Variants in GALNT10 observed in about 807,000 individuals in gnomAD.
GALNT10 encodes polypeptide N-acetylgalactosaminyltransferase 10, also known as GalNAc transferase 10.
A neutral mutation model predicts 75.0 loss-of-function variants in GALNT10; 41 were observed. The observed-to-expected ratio is 0.55, with a 90% CI of 0.43 to 0.71. The LOEUF is 0.71. Ranked by LOEUF, GALNT10 falls within the 30% of genes least tolerant of loss-of-function variation. The pLI is 0.00. For synonymous variants in GALNT10, 302 were observed against 313.0 expected (o/e 0.96, Z 0.37); for missense variants, 727 against 818.5 (o/e 0.89, Z 1.36).
chr5:154,380,414 G>C (rs1755714953), intron 5 of GALNT10, 34 bp from the exon 6 acceptor site: 1 of 1,575,602 alleles, frequency 6.3e-7, no homozygotes, highest in Non-Finnish European at 8.7e-7. Context: ...TCCCCATCCT[G>C]CTTCATCTGA....
chr5:154,324,053 A>T (rs182666404), intron 3 of GALNT10, among the ~76,000 whole-genome samples: 1 of 152,354 alleles, frequency 6.6e-6, no homozygotes, highest in East Asian at 1.9e-4. Context: ...TTGAGAGGGC[A>T]AGCTCTGGGG....
At chr5:154,290,100 T>C (rs1174557775) in intron 1 of GALNT10, among the ~76,000 whole-genome samples, 2 of 150,866 alleles carry the variant, frequency 1.3e-5, no homozygotes, top group African/African-American at 4.9e-5. Flanking sequence ...AATTTTTTTT[T>C]TTTTTTTTTG....
Position 154,294,492 on chromosome 5 carries a change from T to C in GALNT10, c.160-324T>C, listed in dbSNP as rs952491312. Among the ~76,000 whole-genome samples the C allele has an allele frequency of 5.9e-5, 9 of 152,382 alleles. No homozygotes were observed. In the South Asian group the frequency reaches 8.3e-4, roughly 14 times the overall value. On this transcript the variant is annotated intron_variant, in intron 1 of 11. Coordinates refer to ENST00000297107, the MANE Select transcript of GALNT10 (RefSeq NM_198321.4). ...ATACTGGAAAATTTCAGGTTACACATGTGGCTCACGTTATATTTCTGTTGG... is the reference window on the plus strand; with the variant it reads ...ATACTGGAAAATTTCAGGTTACACACGTGGCTCACGTTATATTTCTGTTGG...
chr5:154,297,273 C>T (rs1423968021), intron 2 of GALNT10, among the ~76,000 whole-genome samples: 2 of 152,204 alleles, frequency 1.3e-5, no homozygotes, highest in African/African-American at 4.8e-5. Context: ...ACTTTTCAGG[C>T]ACTCCTGGTT....
intron 1 of GALNT10, among the ~76,000 whole-genome samples, chr5:154,282,141 A>G (rs1247857377): frequency 6.6e-6 from 1 of 152,236 alleles, no homozygotes; most frequent in Non-Finnish European, 1.5e-5. Flanking sequence ...AAAGCATCAC[A>G]TGGGTGAGAG....
In GALNT10 at chr5:154,264,493, C is replaced by T. The variant is rs956807455; in HGVS notation, c.160-30323C>T. ...CAAGCATTATGATATCTGCAGTTTA[C>T]TTCCATGTGACTCAGAAAAAAAATG... On this transcript the variant is annotated intron_variant, in intron 1 of 11. Transcript: ENST00000297107. Among the ~76,000 whole-genome samples the T allele has an allele frequency of 6.6e-5, 10 of 152,154 alleles. 1 individual carries two copies. The South Asian group carries it at 1.9e-3, about 28-fold the overall frequency.
chr5:154,250,827 C>T (rs529813688), intron 1 of GALNT10, among the ~76,000 whole-genome samples: 1 of 152,284 alleles, frequency 6.6e-6, no homozygotes, highest in South Asian at 2.1e-4. Context: ...TCTCCCATAT[C>T]CTCTGCATAT....
chr5:154,267,669 G>A (rs473214), intron 1 of GALNT10, among the ~76,000 whole-genome samples: 99,419 of 151,942 alleles, frequency 0.65, 32,887 homozygotes, highest in East Asian at 0.86. Flanking sequence ...TGCCAACATA[G>A]TGAGGTATGT....
At chr5:154,355,441 C>A (rs918238950) in intron 4 of GALNT10, among the ~76,000 whole-genome samples, 1 of 152,210 alleles carries the variant, frequency 6.6e-6, no homozygotes, top group Non-Finnish European at 1.5e-5. Flanking sequence ...GTTGGCCTCT[C>A]GTTATTTGCT....
At chr5:154,272,843 A>G (rs578140871) in intron 1 of GALNT10, among the ~76,000 whole-genome samples, 3 of 152,188 alleles carry the variant, frequency 2.0e-5, no homozygotes, top group Non-Finnish European at 4.4e-5. Flanking sequence ...TCTGTCTTAT[A>G]TGTACTCTTT....
At chr5:154,321,170 A>G (rs984984634) in intron 3 of GALNT10, among the ~76,000 whole-genome samples, 2 of 152,182 alleles carry the variant, frequency 1.3e-5, no homozygotes, top group Non-Finnish European at 2.9e-5. Context: ...TCAATCCACT[A>G]TACGTTTTGA....
chr5:154,380,580 G>T lies in GALNT10; in HGVS notation c.887G>T (p.Arg296Leu), dbSNP rs764954032. The T allele has an allele frequency of 6.2e-7, 1 of 1,613,960 alleles. No individual in the cohort carries two copies. The highest frequency in any genetic ancestry group is 1.1e-5 in the South Asian group (1 of 91,076). ...GAFDWEMYYK[R>L]IPIPPELQKA... ...TTTGACTGGGAGATGTACTACAAGC[G>T]GATCCCGATCCCTCCAGAACTGCAG... The change falls in exon 6 of 12, where the codon CGG (arginine) becomes CTG (leucine). Residue 296 changes from arginine to leucine, a missense_variant. Arg to Leu is a moderately radical substitution (Grantham distance 102). Coordinates refer to ENST00000297107, the MANE Select transcript of GALNT10 (RefSeq NM_198321.4).
At chr5:154,363,675 G>A (rs1030778241) in intron 4 of GALNT10, among the ~76,000 whole-genome samples, 1 of 152,136 alleles carries the variant, frequency 6.6e-6, no homozygotes, top group Non-Finnish European at 1.5e-5. Context: ...CATGTGACGG[G>A]CAGAGATGTT....
At chr5:154,314,611 C>T (rs796662982) in intron 3 of GALNT10, among the ~76,000 whole-genome samples, 14 of 152,034 alleles carry the variant, frequency 9.2e-5, no homozygotes, top group African/African-American at 2.7e-4. Flanking sequence ...GAGATGCTGG[C>T]GTCTGCCTAT....
At chr5:154,218,523 C>T (rs752283288) in intron 1 of GALNT10, among the ~76,000 whole-genome samples, 1 of 152,146 alleles carries the variant, frequency 6.6e-6, no homozygotes, top group Non-Finnish European at 1.5e-5. Context: ...GTATGGCGAT[C>T]AAAGTGTTGT....
In GALNT10 at chr5:154,417,229, G is replaced by A. The variant is rs747294097; in HGVS notation, c.*257G>A. On this transcript the variant is annotated 3_prime_UTR_variant, in exon 12 of 12. Coordinates refer to ENST00000297107, the MANE Select transcript of GALNT10 (RefSeq NM_198321.4). ...CTGCTTTAATCCCTGCTGACATCAC[G>A]GAAAAGCAACAGAGCCTTTTCAACT... is the stretch of plus-strand genomic sequence containing the variant. The A allele has an allele frequency of 3.6e-5, 16 of 448,508 alleles. No homozygotes were observed. The highest frequency in any genetic ancestry group is 1.4e-4 in the African/African-American group (7 of 50,898). 27.8% of individuals were successfully genotyped at this position (448,508 alleles called of 1,614,324 possible). A position where few individuals can be genotyped will look rare whatever the true frequency, so the allele number is the denominator to read the frequency against.
At chr5:154,269,950 T>C (rs141175201) in intron 1 of GALNT10, among the ~76,000 whole-genome samples, 1 of 152,234 alleles carries the variant, frequency 6.6e-6, no homozygotes, top group Non-Finnish European at 1.5e-5. Context: ...GTCCAGGTAG[T>C]CTGACCCAAG....
At chr5:154,197,256 C>T (rs994118050) in intron 1 of GALNT10, among the ~76,000 whole-genome samples, 3 of 152,106 alleles carry the variant, frequency 2.0e-5, no homozygotes, top group Non-Finnish European at 4.4e-5. Flanking sequence ...ACAGACGTCC[C>T]GAGAACTGTC....
intron 4 of GALNT10, among the ~76,000 whole-genome samples, chr5:154,374,231 G>A (rs1755622236): frequency 1.3e-5 from 2 of 152,150 alleles, no homozygotes; most frequent in Non-Finnish European, 2.9e-5. Context: ...AAAGAGAAGT[G>A]GGAAAGGGCG....
Sources: gnomAD v4.1 joint callset for allele counts (sites outside exome capture counted in the v4.1 genomes callset) on GRCh38, gnomAD v4.1.1 for gene constraint, MANE v1.5 for transcripts, NCBI Gene and HGNC (gene_info 2026-07-23, HGNC 2026-07-21) for gene names.